Variants in PDE4D observed in about 807,000 individuals in gnomAD.
PDE4D encodes the protein 3',5'-cyclic-AMP phosphodiesterase 4D.
In PDE4D, 24 loss-of-function variants were observed where a neutral mutation model predicts 87.4. That is an observed-to-expected ratio of 0.27 (90% confidence interval 0.20 to 0.39). The LOEUF (loss-of-function observed/expected upper bound fraction) is 0.39, where lower values mean the gene tolerates loss of function less well. Among genes scored for constraint, PDE4D ranks in the 10% least tolerant of loss-of-function variants. PDE4D has a pLI of 1.00. For missense variants in PDE4D, 714 were observed against 1,041.0 expected (o/e 0.69, Z 4.32); for synonymous variants, 384 against 383.2 (o/e 1.00, Z -0.02).
chr5:59,214,074 A>ACACT (rs1425604397), intron 2 of PDE4D, among the ~76,000 whole-genome samples: 5 of 145,090 alleles, frequency 3.4e-5, no homozygotes, highest in African/African-American at 1.3e-4. Context: ...ACACACACAC[A>ACACT]CACAACCATT....
intron 1 of PDE4D, among the ~76,000 whole-genome samples, chr5:60,431,521 C>T (rs993460100): frequency 9.3e-5 from 14 of 151,216 alleles, no homozygotes; most frequent in African/African-American, 3.4e-4. Flanking sequence ...GGATGGAGGT[C>T]GGGAAGAGGC....
intron 2 of PDE4D, among the ~76,000 whole-genome samples, chr5:60,153,298 G>T (rs1413788498): frequency 6.6e-6 from 1 of 152,000 alleles, no homozygotes; most frequent in African/African-American, 2.4e-5. Context: ...TAATCATCAG[G>T]GAAATGCAAA....
At chr5:59,106,645 A>T (rs1325853410) in intron 5 of PDE4D, among the ~76,000 whole-genome samples, 1 of 152,186 alleles carries the variant, frequency 6.6e-6, no homozygotes, top group African/African-American at 2.4e-5. Context: ...CTGTAATCCC[A>T]GCTACTCAGG....
At chr5:59,058,769 G>C (rs747871716) in intron 5 of PDE4D, among the ~76,000 whole-genome samples, 10 of 151,668 alleles carry the variant, frequency 6.6e-5, no homozygotes, top group African/African-American at 9.7e-5. Context: ...GAGACTCTTG[G>C]TGGAAGAAAA....
chr5:59,009,919 T>G (rs1026228566), intron 6 of PDE4D, among the ~76,000 whole-genome samples: 6 of 152,174 alleles, frequency 3.9e-5, no homozygotes, highest in Non-Finnish European at 1.5e-5. Context: ...TAAAACACCA[T>G]TTTTACCCTT....
chr5:59,455,990 T>G (rs1799871048), intron 1 of PDE4D, among the ~76,000 whole-genome samples: 1 of 152,198 alleles, frequency 6.6e-6, no homozygotes, highest in South Asian at 2.1e-4. Flanking sequence ...GTAACTAACT[T>G]ACTTTTGATT....
At chr5:59,031,386 T>A (rs1580408004) in intron 6 of PDE4D, among the ~76,000 whole-genome samples, 2 of 45,496 alleles carry the variant, frequency 4.4e-5, no homozygotes, top group African/African-American at 1.5e-4. Flanking sequence ...TATATATATA[T>A]ATATATTATA....
chr5:60,086,915 C>T (rs1774593625), intron 2 of PDE4D, among the ~76,000 whole-genome samples: 2 of 152,204 alleles, frequency 1.3e-5, no homozygotes, highest in Non-Finnish European at 2.9e-5. Flanking sequence ...TGCCATAGTG[C>T]TGCAAGGGGG....
intron 1 of PDE4D, among the ~76,000 whole-genome samples, chr5:59,750,084 C>CT (rs35243469): frequency 0.082 from 10,769 of 131,350 alleles, 514 homozygotes; most frequent in Middle Eastern, 0.12. Context: ...GAATTATGAC[C>CT]TTTTTTTTTT....
intron 3 of PDE4D, among the ~76,000 whole-genome samples, chr5:59,190,019 C>G (rs1270355014): frequency 6.6e-6 from 1 of 152,228 alleles, no homozygotes; most frequent in African/African-American, 2.4e-5. Flanking sequence ...AAAGTGCAAT[C>G]TATCTTTGCA....
At chr5:59,469,225 G>A (rs1484933790) in intron 1 of PDE4D, among the ~76,000 whole-genome samples, 1 of 152,068 alleles carries the variant, frequency 6.6e-6, no homozygotes, top group Non-Finnish European at 1.5e-5. Flanking sequence ...CTACTTGGGA[G>A]GTTGAGGCAG....
chr5:59,799,112 T>C (rs1398199658), intron 1 of PDE4D, among the ~76,000 whole-genome samples: 1 of 152,184 alleles, frequency 6.6e-6, no homozygotes, highest in Non-Finnish European at 1.5e-5. Flanking sequence ...AAGTTTAATA[T>C]GATAGCAACC....
chr5:60,444,521 A>C (rs1188183520), intron 1 of PDE4D, among the ~76,000 whole-genome samples: 3 of 152,124 alleles, frequency 2.0e-5, no homozygotes, highest in African/African-American at 7.2e-5. Context: ...AATAAAGGAG[A>C]GAGATCAGCA....
chr5:59,215,550 TGC>T (rs1157477883), intron 2 of PDE4D: 43 of 417,936 alleles, frequency 1.0e-4, no homozygotes, highest in African/African-American at 9.4e-4. Context: ...AATAAATACA[TGC>T]GTGTGTGTGT....
chr5:60,398,120 G>A (rs1763012647), intron 1 of PDE4D, among the ~76,000 whole-genome samples: 2 of 152,126 alleles, frequency 1.3e-5, no homozygotes, highest in Admixed American at 1.3e-4. Flanking sequence ...ATGGTTGAAT[G>A]CAATAAAAAA....
intron 5 of PDE4D, among the ~76,000 whole-genome samples, chr5:59,170,898 T>G (rs1457896474): frequency 3.3e-5 from 5 of 151,212 alleles, no homozygotes; most frequent in African/African-American, 1.2e-4. Context: ...TTTTTTTTTT[T>G]GAGATGAAGT....
Position 60,224,906 on chromosome 5 carries a change from G to A in PDE4D, c.-89-39219C>T, listed in dbSNP as rs959815370. ...CACTCTAGGGATCATAAGAAACTCA[G>A]TGAAGTTAACTTAGGCTTTCTTGGC... On this transcript the variant is annotated intron_variant, in intron 1 of 16. Coordinates refer to the PDE4D transcript ENST00000502484. Among the ~76,000 whole-genome samples, 4 of 151,880 alleles carry A rather than the reference G, an allele frequency of 2.6e-5. No individual in the cohort carries two copies. In the East Asian group the frequency reaches 7.8e-4, roughly 30 times the overall value.
intron 1 of PDE4D, among the ~76,000 whole-genome samples, chr5:59,669,019 A>C (rs1746722345): frequency 1.3e-5 from 2 of 152,236 alleles, no homozygotes; most frequent in Non-Finnish European, 2.9e-5. Context: ...ACAGAATCAC[A>C]AACTGTTTGA....
chr5:59,435,656 G>A (rs750739680), intron 1 of PDE4D, among the ~76,000 whole-genome samples: 1 of 152,092 alleles, frequency 6.6e-6, no homozygotes, highest in South Asian at 2.1e-4. Flanking sequence ...TTGAGGGCAG[G>A]AATTCTGCCT....
Sources: gnomAD v4.1 joint callset for allele counts (sites outside exome capture counted in the v4.1 genomes callset) on GRCh38, gnomAD v4.1.1 for gene constraint, MANE v1.5 for transcripts, NCBI Gene and HGNC (gene_info 2026-07-23, HGNC 2026-07-21) for gene names.